PCDH15: variants seen among roughly 807,000 people sequenced by gnomAD.
PCDH15 encodes the protein protocadherin related 15.
In PCDH15, 129 loss-of-function variants were observed where a neutral mutation model predicts 178.5. The observed-to-expected ratio is 0.72, with a 90% CI of 0.63 to 0.84. The LOEUF (loss-of-function observed/expected upper bound fraction) is 0.84. Among genes scored for constraint, PCDH15 ranks in the 40% least tolerant of loss-of-function variants. The pLI is 0.00. For missense variants in PCDH15, 2,230 were observed against 2,099.9 expected, an observed-to-expected ratio of 1.06 and a Z score of -1.21; for synonymous variants, 800 against 732.0, an observed-to-expected ratio of 1.09 and a Z score of -1.50.
chr10:54,017,390 A>G (rs532354013), intron 20 of PCDH15, among the ~76,000 whole-genome samples: 2 of 152,292 alleles, frequency 1.3e-5, no homozygotes, highest in African/African-American at 4.8e-5. Flanking sequence ...ATCGACCTAG[A>G]TGCTCATCAA....
At chr10:55,452,926 C>G (rs1268899610) in intron 2 of PCDH15, among the ~76,000 whole-genome samples, 1 of 152,004 alleles carries the variant, frequency 6.6e-6, no homozygotes, top group South Asian at 2.1e-4. Flanking sequence ...TAGGATTTAC[C>G]TAGAAGAGGC....
chr10:54,086,793 G>A (rs2094523763), intron 16 of PCDH15, among the ~76,000 whole-genome samples: 1 of 152,154 alleles, frequency 6.6e-6, no homozygotes, highest in Admixed American at 6.6e-5. Flanking sequence ...AGCAGTTTGT[G>A]TCTTAAGGAG....
chr10:55,154,911 G>A (rs1028316876), intron 2 of PCDH15, among the ~76,000 whole-genome samples: 4 of 152,082 alleles, frequency 2.6e-5, no homozygotes, highest in African/African-American at 9.7e-5. Context: ...CAGATTGCAA[G>A]ATGAAGTAAT....
At chr10:54,290,915 C>T (rs965426313) in intron 8 of PCDH15, among the ~76,000 whole-genome samples, 7 of 152,160 alleles carry the variant, frequency 4.6e-5, no homozygotes, top group Non-Finnish European at 1.0e-4. Context: ...TAGAGACCTA[C>T]AAAGAGACTT....
chr10:54,496,544 A>T (rs942110072), intron 3 of PCDH15, among the ~76,000 whole-genome samples: 5 of 152,278 alleles, frequency 3.3e-5, no homozygotes, highest in Admixed American at 6.5e-5. Context: ...AGTTCATTCA[A>T]CTATACAAAA....
intron 1 of PCDH15, among the ~76,000 whole-genome samples, chr10:54,786,329 C>T (rs1049140778): frequency 2.0e-5 from 3 of 152,002 alleles, no homozygotes; most frequent in African/African-American, 4.8e-5. Context: ...GATTCTACTA[C>T]TTCACTCTAT....
intron 2 of PCDH15, chr10:54,528,270 T>A: frequency 1.0e-6 from 1 of 957,310 alleles, no homozygotes; most frequent in Non-Finnish European, 1.6e-6. Flanking sequence ...TTAATTGTGA[T>A]AAAGGGTCTA....
chr10:55,515,736 T>A (rs576781082), intron 2 of PCDH15, among the ~76,000 whole-genome samples: 1 of 152,076 alleles, frequency 6.6e-6, no homozygotes, highest in African/African-American at 2.4e-5. Context: ...AAAAAAGTCA[T>A]CATGCAAATC....
chr10:53,806,062 G>T lies in PCDH15; in HGVS notation c.*517C>A, dbSNP rs1036578763. The T allele has an allele frequency of 6.7e-6, 1 of 149,604 alleles. No individual in the cohort carries two copies. The highest frequency in any genetic ancestry group is 1.5e-5 in the Non-Finnish European group (1 of 68,332). 9.3% of individuals were successfully genotyped at this position (149,604 alleles called of 1,614,324 possible). A position where few individuals can be genotyped will look rare whatever the true frequency, so the allele number is the denominator to read the frequency against. On this transcript the variant is annotated 3_prime_UTR_variant, in exon 38 of 38. Transcript: ENST00000644397. The stretch of plus-strand genomic sequence containing the variant: ...GATTTAAAATAATTAATTATTTACA[G>T]GTGATTCCCTCATTTACTTTACTTT...
chr10:55,526,685 C>A (rs1469261554), intron 2 of PCDH15, among the ~76,000 whole-genome samples: 1 of 152,062 alleles, frequency 6.6e-6, no homozygotes, highest in Non-Finnish European at 1.5e-5. Context: ...TCAAACAACA[C>A]AATCAGGTTT....
At chr10:54,740,687 C>A (rs1944678614) in intron 1 of PCDH15, among the ~76,000 whole-genome samples, 3 of 151,850 alleles carry the variant, frequency 2.0e-5, no homozygotes, top group South Asian at 2.1e-4. Context: ...CGTATTAATA[C>A]ATTAAAAAGA....
At chr10:54,866,487 G>C (rs1055365737) in intron 3 of PCDH15, among the ~76,000 whole-genome samples, 4 of 152,084 alleles carry the variant, frequency 2.6e-5, no homozygotes, top group African/African-American at 7.2e-5. Context: ...CTTGTTGTTA[G>C]CACAAGAATG....
chr10:55,398,672 T>C (rs1039706371), intron 2 of PCDH15, among the ~76,000 whole-genome samples: 1 of 152,170 alleles, frequency 6.6e-6, no homozygotes, highest in Non-Finnish European at 1.5e-5. Context: ...TCCCTTTCAT[T>C]GCACTACTCA....
intron 2 of PCDH15, among the ~76,000 whole-genome samples, chr10:55,007,515 T>C (rs565735715): frequency 6.6e-6 from 1 of 152,320 alleles, no homozygotes; most frequent in South Asian, 2.1e-4. Flanking sequence ...TTTAACAGTA[T>C]ATGAGGTTGG....
chr10:55,250,281 C>G lies in PCDH15; in HGVS notation c.-156+69318G>C, dbSNP rs974543990. 7.2e-5 allele frequency among the ~76,000 whole-genome samples: 11 copies of G among 151,858 alleles called. No individual in the cohort carries two copies. The South Asian group carries it at 2.3e-3, about 32-fold the overall frequency. ...GCATCAGCCTTCCAAGTGGCTGTGA[C>G]TACAAGAGCATGCTACTATGACTGG... On this transcript the variant is annotated intron_variant, in intron 1 of 5. Coordinates refer to the PCDH15 transcript ENST00000458638.
At chr10:54,165,522 T>C (rs2046133304) in intron 13 of PCDH15, among the ~76,000 whole-genome samples, 1 of 152,154 alleles carries the variant, frequency 6.6e-6, no homozygotes, top group African/African-American at 2.4e-5. Context: ...CATGATCCTT[T>C]TGTAAAGGTT....
At chr10:54,026,221 C>G (rs1203437848) in intron 18 of PCDH15, among the ~76,000 whole-genome samples, 1 of 151,880 alleles carries the variant, frequency 6.6e-6, no homozygotes, top group African/African-American at 2.4e-5. Context: ...AGCACATGCC[C>G]CCAGGCCTGG....
intron 2 of PCDH15, among the ~76,000 whole-genome samples, chr10:54,532,514 C>A (rs532033128): frequency 1.3e-5 from 2 of 152,174 alleles, no homozygotes; most frequent in African/African-American, 2.4e-5. Context: ...ATAACATTGA[C>A]CTTGTTTCTA....
intron 2 of PCDH15, among the ~76,000 whole-genome samples, chr10:54,529,876 T>C (rs932517997): frequency 6.6e-6 from 1 of 152,028 alleles, no homozygotes; most frequent in Admixed American, 6.6e-5. Flanking sequence ...AGCACTGTAT[T>C]GTAAGGTATG....
Sources: gnomAD v4.1 joint callset for allele counts (sites outside exome capture counted in the v4.1 genomes callset) on GRCh38, gnomAD v4.1.1 for gene constraint, MANE v1.5 for transcripts, NCBI Gene and HGNC (gene_info 2026-07-23, HGNC 2026-07-21) for gene names.